SNAPC4: variants seen among roughly 807,000 people sequenced by gnomAD.
SNAPC4 encodes snRNA-activating protein complex subunit 4.
SNAPC4 carries 127 observed loss-of-function variants against 151.3 expected under a neutral mutation model. That is an observed-to-expected ratio of 0.84 (90% CI 0.73 to 0.97). SNAPC4 has a LOEUF of 0.97. Ranked by LOEUF, SNAPC4 falls within the 50% of genes least tolerant of loss-of-function variation. The pLI is 0.00. For synonymous variants in SNAPC4, 1,002 were observed against 824.4 expected, an observed-to-expected ratio of 1.22 and a Z score of -3.69; for missense variants, 2,186 against 1,935.0, an observed-to-expected ratio of 1.13 and a Z score of -2.43.
rs1834114491 is a variant in SNAPC4, at chr9:136,392,506, C to T, written c.810+16G>A. 1.2e-6 allele frequency: 2 copies of T among 1,612,738 alleles called. No individual in the cohort carries two copies. Among genetic ancestry groups the T allele is most frequent in the South Asian group, 2.2e-5 (2 of 91,074 alleles). On this transcript the variant is annotated intron_variant, in intron 9 of 23. Transcript: ENST00000684778. The stretch of plus-strand genomic sequence containing the variant: ...TGCTCCAAGCTGCTTGGGGCTCAGA[C>T]CTGCCCCTGACTTACGTTAATATTG...
At chr9:136,399,155 G>A (rs1834369681) in intron 1 of SNAPC4, among the ~76,000 whole-genome samples, 1 of 152,194 alleles carries the variant, frequency 6.6e-6, no homozygotes. Flanking sequence ...AAATCTAAAG[G>A]AATCACTAGC....
chr9:136,396,433 T>C (rs895013732), intron 3 of SNAPC4, among the ~76,000 whole-genome samples: 3 of 152,350 alleles, frequency 2.0e-5, no homozygotes, highest in African/African-American at 7.2e-5. Flanking sequence ...TTTCTTTTTT[T>C]TGAGACAGGG....
chr9:136,387,718 T>C, intron 12 of SNAPC4, 24 bp downstream of exon 12: 2 of 1,496,480 alleles, frequency 1.3e-6, no homozygotes, highest in Non-Finnish European at 1.9e-6. Flanking sequence ...AGAGCCCAGT[T>C]CTCCTAGGGT....
intron 13 of SNAPC4, among the ~76,000 whole-genome samples, chr9:136,386,558 C>G (rs1217376109): frequency 1.3e-5 from 2 of 151,866 alleles, no homozygotes; most frequent in Non-Finnish European, 2.9e-5. Context: ...CCTCAGCCTC[C>G]CGAGTAGCTG....
chr9:136,383,344 C>G lies in SNAPC4; in HGVS notation c.1825G>C (p.Gly609Arg). 1 of 1,609,210 alleles carries G rather than the reference C, an allele frequency of 6.2e-7. No homozygotes were observed. Among genetic ancestry groups the G allele is most frequent in the South Asian group, 1.1e-5 (1 of 90,604 alleles). Residue 609 changes from glycine (G) to arginine (R), a missense_variant, in exon 16 of 24, where the codon GGC becomes CGC. Gly to Arg is a moderately radical substitution (Grantham distance 125, BLOSUM62 -2). Coordinates refer to ENST00000684778, the MANE Select transcript of SNAPC4 (RefSeq NM_003086.4). The surrounding 1 kb of genome is among the most constrained non-coding windows in gnomAD (Gnocchi z 4.2). ...SPPKGSSASQ[G>R]GSKEASTTAA... ...GTGGTGGAAGCTTCCTTGCTGCCGC[C>G]CTGGCTGGCACTGGACCCCTTGGGA...
rs145199013 is a variant in SNAPC4 at position 136,377,855 on chromosome 9, C to T, written c.3972G>A (p.Leu1324=). The T allele has an allele frequency of 2.4e-5, 38 of 1,611,440 alleles. No individual in the cohort carries two copies. Among genetic ancestry groups the T allele is most frequent in the African/African-American group, 2.1e-4 (16 of 74,912 alleles). ...LSGLLLHKKA[L]EHKATSLVVG... ...CCACCAGGGAGGTGGCCTTGTGCTCCAGGGCCTTCTTGTGGAGTAGGAGAC... is the reference window on the plus strand; with the variant it reads ...CCACCAGGGAGGTGGCCTTGTGCTCTAGGGCCTTCTTGTGGAGTAGGAGAC... Residue 1324 remains leucine, a synonymous_variant, in exon 22 of 24, where the codon CTG becomes CTA. Transcript: ENST00000684778.
rs558543962 is a variant in SNAPC4, at chr9:136,379,710, T to C, written c.2527+127A>G. The C allele has an allele frequency of 3.7e-5, 33 of 893,578 alleles. No individual in the cohort carries two copies. In the East Asian group the frequency reaches 8.1e-4, roughly 22 times the overall value. The allele number at this position is 893,578 out of a possible 1,614,324, so 55.4% of individuals were successfully genotyped here. ...TCCCTGTGGTGGGACTCGAGGGAGC[T>C]CTGTCACCAGGGGCCACAGGCTGTG... is the stretch of plus-strand genomic sequence containing the variant. On this transcript the variant is annotated intron_variant, in intron 21 of 23. Coordinates refer to ENST00000684778, the MANE Select transcript of SNAPC4 (RefSeq NM_003086.4).
rs778694570 is a variant in SNAPC4 at position 136,381,843 on chromosome 9, G to A, written c.2298C>T (p.Pro766=). The part of the protein sequence containing the change: ...VVPCTQASQR[P]AVVQTQADGL... ...CCATACCTTGAGTCTGCACTACGGC[G>A]GGTCTCTGGGAAGCCTGTGTGCAGG... Residue 766 remains proline, a synonymous_variant, in exon 18 of 24, where the codon CCC becomes CCT. Transcript: ENST00000684778. 3.7e-6 allele frequency: 6 copies of A among 1,609,960 alleles called. No homozygotes were observed. The highest frequency in any genetic ancestry group is 4.5e-5 in the East Asian group (2 of 44,894).
In SNAPC4 at chr9:136,377,955, C is replaced by T; in HGVS notation, c.3872G>A (p.Gly1291Glu). Residue 1291 changes from glycine (G) to glutamate (E), a missense_variant, in exon 22 of 24, where the codon GGG (glycine) becomes GAG (glutamate). Gly to Glu is a moderately conservative substitution (Grantham distance 98). Coordinates refer to ENST00000684778, the MANE Select transcript of SNAPC4 (RefSeq NM_003086.4). ...GCTGCCCAGAAGAGGCACACGCACC[C>T]CCCGCTGGCCCCCCAGCCACTGCTG... ...ATQQWLGGQR[G>E]VRVPLLGSRL... 1 of 1,601,964 alleles carries T rather than the reference C, an allele frequency of 6.2e-7. No individual in the cohort carries two copies. The highest frequency in any genetic ancestry group is 2.2e-5 in the East Asian group (1 of 44,630).
At chr9:136,391,823 A>G in intron 10 of SNAPC4, 119 bp downstream of exon 10, 2 of 1,106,222 alleles carry the variant, frequency 1.8e-6, no homozygotes, top group South Asian at 3.1e-5. Context: ...AGGTGGCAAC[A>G]CATAGAAACC....
Position 136,378,025 on chromosome 9 carries a change from C to G in SNAPC4, c.3802G>C (p.Ala1268Pro). ...TGGGACAGCAGGCCCAGGTCCAGGGCCCCCTTCTCAGGCCCAGGCTGGGGT... is the reference window on the plus strand; with the variant it reads ...TGGGACAGCAGGCCCAGGTCCAGGGGCCCCTTCTCAGGCCCAGGCTGGGGT... ...PLPQPGPEKG[A>P]LDLGLLSQEG... Residue 1268 changes from alanine to proline, a missense_variant, in exon 22 of 24, where the codon GCC becomes CCC. By Grantham distance (27) the Ala-to-Pro change is conservative. Coordinates refer to ENST00000684778, the MANE Select transcript of SNAPC4 (RefSeq NM_003086.4). 1 of 1,590,628 alleles carries G rather than the reference C, an allele frequency of 6.3e-7. No homozygotes were observed. Among genetic ancestry groups the G allele is most frequent in the Admixed American group, 1.8e-5 (1 of 56,838 alleles).
At position 136,392,528 on chromosome 9, in the gene SNAPC4, A is replaced by G; in HGVS notation, c.804T>C (p.Asn268=). ...LDSHDWEKIS[N]INFEGSRSAE... ...AGACCTGCCCCTGACTTACGTTAAT[A>G]TTGGAAATCTTCTCCCAGTCGTGGC... Residue 268 remains asparagine, a synonymous_variant, in exon 9 of 24, where the codon AAT becomes AAC. Coordinates refer to ENST00000684778, the MANE Select transcript of SNAPC4 (RefSeq NM_003086.4). The G allele has an allele frequency of 6.2e-7, 1 of 1,613,668 alleles. No homozygotes were observed. The highest frequency in any genetic ancestry group is 8.5e-7 in the Non-Finnish European group (1 of 1,179,944).
At chr9:136,387,615 G>C in intron 12 of SNAPC4, 36 bp from the exon 13 acceptor site, 1 of 1,525,072 alleles carries the variant, frequency 6.6e-7, no homozygotes, top group South Asian at 1.1e-5. Flanking sequence ...TGAAGCCTCT[G>C]CAGGTACGGC....
intron 13 of SNAPC4, among the ~76,000 whole-genome samples, chr9:136,386,916 G>A (rs745614755): frequency 5.9e-5 from 9 of 151,962 alleles, no homozygotes; most frequent in African/African-American, 1.4e-4. Flanking sequence ...CACCATGCCC[G>A]GGTAACTTTT....
Position 136,394,422 on chromosome 9 carries a change from G to C in SNAPC4, c.551-92C>G, listed in dbSNP as rs1204690305. The C allele has an allele frequency of 1.4e-5, 16 of 1,184,752 alleles. No homozygotes were observed. The South Asian group carries it at 1.8e-4, about 14-fold the overall frequency. 73.4% of individuals were successfully genotyped at this position (1,184,752 alleles called of 1,614,324 possible). A position where few individuals can be genotyped will look rare whatever the true frequency, so the allele number is the denominator to read the frequency against. On this transcript the variant is annotated intron_variant, in intron 6 of 23. Transcript: ENST00000684778. ...GGTGTGCACTTCCCGAGGCAGTGGT[G>C]GGGGGCCCCACAGCGAGTAAGCAGC...
At chr9:136,392,410 G>A (rs1834110011) in intron 9 of SNAPC4, 112 bp downstream of exon 9, 1 of 1,111,420 alleles carries the variant, frequency 9.0e-7, no homozygotes, top group Non-Finnish European at 1.4e-6. Flanking sequence ...GGGGGTCACA[G>A]CAGAACCTGT....
chr9:136,380,891 G>A, intron 19 of SNAPC4, 41 bp from the exon 20 acceptor site: 3 of 1,243,348 alleles, frequency 2.4e-6, no homozygotes, highest in Non-Finnish European at 3.5e-6. Flanking sequence ...GCTGCTTTCG[G>A]GAGCAGCTCC....
At chr9:136,388,346 G>A (rs1057323763) in intron 11 of SNAPC4, 98 bp downstream of exon 11, 17 of 1,286,638 alleles carry the variant, frequency 1.3e-5, no homozygotes, top group East Asian at 2.4e-5. Flanking sequence ...GCCCTCGTCT[G>A]TCTTGTTGCT....
In SNAPC4 at chr9:136,378,267, G is replaced by C; in HGVS notation, c.3560C>G (p.Pro1187Arg). 2 of 1,607,084 alleles carry C rather than the reference G, an allele frequency of 1.2e-6. No homozygotes were observed. Among genetic ancestry groups the C allele is most frequent in the Non-Finnish European group, 8.5e-7 (1 of 1,177,476 alleles). Residue 1187 changes from proline (P) to arginine (R), a missense_variant, in exon 22 of 24, where the codon CCC becomes CGC. Coordinates refer to ENST00000684778, the MANE Select transcript of SNAPC4 (RefSeq NM_003086.4). ...AGGGTCAGCGTGGGAGGACGTCCTG[G>C]GCTCAGGTATCTCCCTGGCCACCTG... is the stretch of plus-strand genomic sequence containing the variant. ...EAQVAREIPE[P>R]RTSSHADPPE... is the part of the protein sequence containing the mutation.
Sources: gnomAD v4.1 joint callset for allele counts (sites outside exome capture counted in the v4.1 genomes callset) on GRCh38, gnomAD v4.1.1 for gene constraint, Gnocchi (gnomAD v3.1) non-coding constraint, MANE v1.5 for transcripts, NCBI Gene and HGNC (gene_info 2026-07-23, HGNC 2026-07-21) for gene names.